The following DGKB variants were observed in gnomAD, a reference collection of about 807,000 sequenced individuals.
DGKB encodes the protein 90 kDa diacylglycerol kinase.
DGKB carries 67 observed loss-of-function variants against 114.3 expected under a neutral mutation model. The ratio of observed to expected loss-of-function variants is 0.59; its 90% confidence interval spans 0.48 to 0.72. DGKB has a LOEUF of 0.72. Ranked by LOEUF, DGKB falls within the 30% of genes least tolerant of loss-of-function variation. The probability of loss-of-function intolerance (pLI) is 0.00; values close to 1 mark genes in which losing one functional copy is unlikely to be tolerated. For synonymous variants in DGKB, 398 were observed against 323.1 expected (o/e 1.23, Z -2.49); for missense variants, 907 against 975.2 (o/e 0.93, Z 0.93).
chr7:14,959,730 A>G (rs2115265319), intron 1 of DGKB, among the ~76,000 whole-genome samples: 1 of 151,936 alleles, frequency 6.6e-6, no homozygotes, highest in East Asian at 1.9e-4. Flanking sequence ...GAAGTGAGTG[A>G]AAAGCTCTAT....
chr7:14,850,521 C>G (rs1376400068), intron 1 of DGKB, among the ~76,000 whole-genome samples: 3 of 152,038 alleles, frequency 2.0e-5, no homozygotes, highest in Non-Finnish European at 2.9e-5. Flanking sequence ...AGGATGGATA[C>G]AGATGCAAGT....
intron 23 of DGKB, among the ~76,000 whole-genome samples, chr7:14,221,410 T>C (rs1249675735): frequency 1.3e-5 from 2 of 151,398 alleles, no homozygotes; most frequent in Non-Finnish European, 3.0e-5. Flanking sequence ...GAGTACTTTA[T>C]CTGTGTGTAC....
At chr7:14,970,049 T>C (rs564579787) in intron 1 of DGKB, among the ~76,000 whole-genome samples, 1 of 152,304 alleles carries the variant, frequency 6.6e-6, no homozygotes, top group South Asian at 2.1e-4. Flanking sequence ...TGTGACTGTA[T>C]TTGAAAGTGA....
At chr7:14,966,326 A>T (rs2115290069) in intron 1 of DGKB, among the ~76,000 whole-genome samples, 1 of 152,128 alleles carries the variant, frequency 6.6e-6, no homozygotes, top group African/African-American at 2.4e-5. Context: ...TTACTAAATA[A>T]TTTTTAATGA....
rs537858001 is a variant in DGKB, at chr7:14,497,825, T to C, written c.1771-19600A>G. ...TGAACACAGCTCAATTGCTTCCTTCTGTTCTAGGAGATGGCTTGTTATCTT... is the reference window on the plus strand; with the variant it reads ...TGAACACAGCTCAATTGCTTCCTTCCGTTCTAGGAGATGGCTTGTTATCTT... On this transcript the variant is annotated intron_variant, in intron 20 of 25. Coordinates refer to ENST00000402815, the MANE Select transcript of DGKB (RefSeq NM_001350709.2). Among the ~76,000 whole-genome samples the C allele has an allele frequency of 8.6e-5, 13 of 152,032 alleles. No individual in the cohort carries two copies. The South Asian group carries it at 1.7e-3, about 19-fold the overall frequency.
chr7:14,832,585 T>C (rs1846576820), intron 2 of DGKB, among the ~76,000 whole-genome samples: 2 of 152,122 alleles, frequency 1.3e-5, no homozygotes, highest in Admixed American at 1.3e-4. Context: ...GGATGCGTTT[T>C]GGTTATTATC....
intron 23 of DGKB, among the ~76,000 whole-genome samples, chr7:14,185,449 A>G (rs952312972): frequency 2.6e-5 from 4 of 152,176 alleles, no homozygotes; most frequent in Non-Finnish European, 5.9e-5. Context: ...GCCAAAAGCA[A>G]TCTACAATTC....
chr7:14,698,981 T>C (rs900116505), intron 7 of DGKB, among the ~76,000 whole-genome samples: 36 of 152,172 alleles, frequency 2.4e-4, no homozygotes, highest in Admixed American at 7.2e-4. Context: ...GAAAGTGCAA[T>C]AGTCAAAGAG....
At chr7:14,572,474 A>G (rs1234461630) in intron 20 of DGKB, among the ~76,000 whole-genome samples, 2 of 151,924 alleles carry the variant, frequency 1.3e-5, no homozygotes, top group Admixed American at 6.6e-5. Context: ...AAAAAAAAGA[A>G]TAAAGTATAA....
At chr7:14,373,067 C>A (rs1341098812) in intron 21 of DGKB, among the ~76,000 whole-genome samples, 1 of 152,170 alleles carries the variant, frequency 6.6e-6, no homozygotes, top group Non-Finnish European at 1.5e-5. Context: ...TAATTGCCCA[C>A]ATGAGATTCA....
At chr7:14,516,920 T>C (rs1788885809) in intron 20 of DGKB, among the ~76,000 whole-genome samples, 1 of 151,914 alleles carries the variant, frequency 6.6e-6, no homozygotes, top group Non-Finnish European at 1.5e-5. Flanking sequence ...CCTATCAAAC[T>C]AACTATGAAT....
intron 5 of DGKB, among the ~76,000 whole-genome samples, chr7:14,725,328 C>T (rs1338090622): frequency 2.6e-5 from 4 of 152,068 alleles, no homozygotes; most frequent in Admixed American, 1.3e-4. Context: ...TGTGCAGGCT[C>T]TATACTGTAT....
At chr7:14,495,540 C>T (rs1264889389) in intron 20 of DGKB, among the ~76,000 whole-genome samples, 1 of 151,748 alleles carries the variant, frequency 6.6e-6, no homozygotes, top group East Asian at 1.9e-4. Flanking sequence ...TTAAAATCTA[C>T]ACATGATAAT....
chr7:14,278,562 G>A (rs1269611868), intron 23 of DGKB, among the ~76,000 whole-genome samples: 1 of 152,062 alleles, frequency 6.6e-6, no homozygotes, highest in Non-Finnish European at 1.5e-5. Context: ...TGGGGAAAAT[G>A]TTCATGACAT....
chr7:14,204,816 C>G (rs1451033079), intron 23 of DGKB, among the ~76,000 whole-genome samples: 3 of 151,928 alleles, frequency 2.0e-5, no homozygotes, highest in South Asian at 4.1e-4. Flanking sequence ...TAGATCAATT[C>G]TAGGGGAAAA....
chr7:14,905,011 G>C (rs377529927), upstream of DGKB, among the ~76,000 whole-genome samples: 12 of 151,920 alleles, frequency 7.9e-5, no homozygotes, highest in East Asian at 3.9e-4. Context: ...AGTTTAGCAG[G>C]GTTTTCTTTT....
At chr7:14,252,318 A>C (rs185671634) in intron 23 of DGKB, among the ~76,000 whole-genome samples, 5 of 152,016 alleles carry the variant, frequency 3.3e-5, no homozygotes, top group Admixed American at 1.3e-4. Context: ...GTAGTTACCA[A>C]TTTCCTTAGG....
At position 14,500,425 on chromosome 7, in the gene DGKB, G is replaced by A. The variant is rs143042879; in HGVS notation, c.1771-22200C>T. On this transcript the variant is annotated intron_variant, in intron 20 of 25. Coordinates refer to ENST00000402815, the MANE Select transcript of DGKB (RefSeq NM_001350709.2). Reference sequence around the variant, plus strand: ...GAACCCTTATTCTATGTTTAGTACTGGAGTAAGGGTTTAAGATAAGAAAAT... The same window carrying A: ...GAACCCTTATTCTATGTTTAGTACTAGAGTAAGGGTTTAAGATAAGAAAAT... Among the ~76,000 whole-genome samples, 1,352 of 150,844 alleles carry A rather than the reference G, an allele frequency of 9.0e-3. 20 individuals are homozygous for A. Among genetic ancestry groups the A allele is most frequent in the African/African-American group, 0.029 (1,204 of 41,254 alleles).
At chr7:14,657,103 A>G (rs1220968105) in intron 13 of DGKB, among the ~76,000 whole-genome samples, 1 of 151,750 alleles carries the variant, frequency 6.6e-6, no homozygotes, top group Non-Finnish European at 1.5e-5. Context: ...GTCTCTTTAA[A>G]ATATATGTAC....
Sources: gnomAD v4.1 joint callset for allele counts (sites outside exome capture counted in the v4.1 genomes callset) on GRCh38, gnomAD v4.1.1 for gene constraint, MANE v1.5 for transcripts, NCBI Gene and HGNC (gene_info 2026-07-23, HGNC 2026-07-21) for gene names.